EZR: variants seen among roughly 807,000 people sequenced by gnomAD.
The protein encoded by EZR is cytovillin 2.
In EZR, 40 loss-of-function variants were observed where a neutral mutation model predicts 74.8. That is an observed-to-expected ratio of 0.53 (90% CI 0.42 to 0.70). The LOEUF (loss-of-function observed/expected upper bound fraction) is 0.70. Ranked by LOEUF, EZR falls within the 30% of genes least tolerant of loss-of-function variation. EZR has a pLI of 0.00. For synonymous variants in EZR, 341 were observed against 283.3 expected (o/e 1.20, Z -2.05); for missense variants, 678 against 755.8 (o/e 0.90, Z 1.21).
At chr6:158,813,051 G>A (rs1281292989) in intron 2 of EZR, among the ~76,000 whole-genome samples, 2 of 152,106 alleles carry the variant, frequency 1.3e-5, no homozygotes, top group African/African-American at 2.4e-5. Flanking sequence ...AGGCAAATCT[G>A]ATCATGTCAC....
At chr6:158,786,942 C>T (rs908546210) in intron 4 of EZR, among the ~76,000 whole-genome samples, 166 bp downstream of exon 4, 3 of 152,280 alleles carry the variant, frequency 2.0e-5, no homozygotes, top group South Asian at 2.1e-4. Flanking sequence ...GATTTCCAAT[C>T]GATATCTCCA....
chr6:158,813,574 A>C (rs1777491664), intron 2 of EZR, among the ~76,000 whole-genome samples: 2 of 152,232 alleles, frequency 1.3e-5, no homozygotes, highest in Admixed American at 1.3e-4. Flanking sequence ...AACAGATGCT[A>C]CGCATCCTCC....
rs1214169210 is a variant in EZR, at chr6:158,766,427, C to T, written c.*487G>A. 6.5e-6 allele frequency: 1 copy of T among 154,018 alleles called. No individual in the cohort carries two copies. Among genetic ancestry groups the T allele is most frequent in the African/African-American group, 2.4e-5 (1 of 41,458 alleles). The allele number at this position is 154,018 out of a possible 1,614,324, so 9.5% of individuals were successfully genotyped here. A position where few individuals can be genotyped will look rare whatever the true frequency, so the allele number is the denominator to read the frequency against. ...AATCACTGTGTGTGCGAGAGTGCTT[C>T]AGACTCAATTTCCAAAATAATTTTC... On this transcript the variant is annotated 3_prime_UTR_variant, in exon 14 of 14. Transcript: ENST00000367075.
chr6:158,800,002 G>C (rs17586838), intron 2 of EZR, among the ~76,000 whole-genome samples: 1 of 152,010 alleles, frequency 6.6e-6, no homozygotes, highest in Non-Finnish European at 1.5e-5. Flanking sequence ...ACCCAATGAC[G>C]ACTTTTTACA....
At position 158,783,551 on chromosome 6, in the gene EZR, G is replaced by A; in HGVS notation, c.667C>T (p.Leu223Phe). ...TCTTTCTCATAAATATTCAGTCCAAGGGCATCAACTCCAAGCCAAAGGTCT... is the reference window on the plus strand; with the variant it reads ...TCTTTCTCATAAATATTCAGTCCAAAGGCATCAACTCCAAGCCAAAGGTCT... Reference protein sequence around the residue: ...GTDLWLGVDALGLNIYEKDDK... With the variant: ...GTDLWLGVDAFGLNIYEKDDK... The change falls in exon 7 of 14, where the codon CTT becomes TTT. Residue 223 changes from leucine to phenylalanine, a missense_variant. This residue lies in a region of EZR where 119 missense variants were observed against 182.3 expected (regional missense o/e 0.65). Coordinates refer to ENST00000367075, the MANE Select transcript of EZR (RefSeq NM_001111077.2). The A allele has an allele frequency of 6.2e-7, 1 of 1,613,060 alleles. No homozygotes were observed. The highest frequency in any genetic ancestry group is 1.3e-5 in the African/African-American group (1 of 74,670).
In EZR at chr6:158,765,962, T is replaced by C. The variant is rs780139947; in HGVS notation, c.*952A>G. ...ACAGAGTCTCTTCACAGCTGGAGTC[T>C]GAAAGCTCATAGTGGCATGTGTGAA... On this transcript the variant is annotated 3_prime_UTR_variant, in exon 14 of 14. Transcript: ENST00000367075. The C allele has an allele frequency of 6.6e-6, 1 of 152,542 alleles. No homozygotes were observed. Among genetic ancestry groups the C allele is most frequent in the Non-Finnish European group, 1.5e-5 (1 of 68,044 alleles). The allele number at this position is 152,542 out of a possible 1,614,324, so 9.4% of individuals were successfully genotyped here. A position where few individuals can be genotyped will look rare whatever the true frequency, so the allele number is the denominator to read the frequency against.
At chr6:158,812,840 A>G (rs1017195789) in intron 2 of EZR, among the ~76,000 whole-genome samples, 2 of 151,858 alleles carry the variant, frequency 1.3e-5, no homozygotes, top group Non-Finnish European at 2.9e-5. Context: ...CCTCGACACC[A>G]CCCTTGGCCC....
chr6:158,809,948 A>G (rs1242962063), intron 2 of EZR, among the ~76,000 whole-genome samples: 1 of 152,240 alleles, frequency 6.6e-6, no homozygotes, highest in Admixed American at 6.5e-5. Flanking sequence ...ACCCCATCCT[A>G]AAGTAAAAAC....
At chr6:158,795,251 C>CA (rs1226587669) in intron 2 of EZR, among the ~76,000 whole-genome samples, 1 of 151,344 alleles carries the variant, frequency 6.6e-6, no homozygotes, top group African/African-American at 2.4e-5. Flanking sequence ...GACTCCATCG[C>CA]AAAAAATAAA....
chr6:158,768,367 G>A (rs1034902313), intron 12 of EZR, among the ~76,000 whole-genome samples: 1 of 144,046 alleles, frequency 6.9e-6, no homozygotes, highest in African/African-American at 2.5e-5. Context: ...TAACTACCCA[G>A]TCTCAGCTTG....
chr6:158,769,233 C>G, intron 12 of EZR, 93 bp downstream of exon 12: 1 of 1,068,958 alleles, frequency 9.4e-7, no homozygotes, highest in Non-Finnish European at 1.4e-6. Context: ...CCAGACCTCT[C>G]CCCCAACCCA....
chr6:158,773,577 G>A (rs952635295), intron 8 of EZR, among the ~76,000 whole-genome samples: 3 of 152,136 alleles, frequency 2.0e-5, no homozygotes, highest in African/African-American at 7.2e-5. Flanking sequence ...ATAAACCCAA[G>A]ACCCTACAAA....
intron 9 of EZR, 112 bp from the exon 10 acceptor site, chr6:158,771,006 C>A: frequency 6.6e-7 from 1 of 1,510,998 alleles, no homozygotes; most frequent in South Asian, 1.2e-5. Flanking sequence ...ATCCTGAGGG[C>A]CACCCTAGCC....
intron 2 of EZR, among the ~76,000 whole-genome samples, chr6:158,802,190 C>A (rs1777200362): frequency 6.6e-6 from 1 of 152,180 alleles, no homozygotes; most frequent in Admixed American, 6.5e-5. Context: ...CTAATGAAAG[C>A]AAGGTCATAA....
chr6:158,814,811 G>A (rs1777520857), intron 2 of EZR, among the ~76,000 whole-genome samples: 2 of 152,116 alleles, frequency 1.3e-5, no homozygotes, highest in South Asian at 4.2e-4. Context: ...AAAGTGCTGG[G>A]ATTACTGCCA....
chr6:158,789,519 C>T, intron 2 of EZR, 148 bp from the exon 3 acceptor site: 1 of 785,796 alleles, frequency 1.3e-6, no homozygotes, highest in Non-Finnish European at 2.3e-6. Context: ...CCACACACCA[C>T]TCCTGACTGC....
At chr6:158,770,986 T>C in intron 9 of EZR, 92 bp from the exon 10 acceptor site, 1 of 1,583,718 alleles carries the variant, frequency 6.3e-7, no homozygotes, top group Non-Finnish European at 8.6e-7. Flanking sequence ...AGCTCCAGGA[T>C]GGACTTGGTA....
intron 12 of EZR, 109 bp downstream of exon 12, chr6:158,769,217 C>T: frequency 2.4e-6 from 2 of 821,182 alleles, no homozygotes; most frequent in Non-Finnish European, 3.9e-6. Flanking sequence ...GATGTGGCAG[C>T]TTGAGCCAGA....
At chr6:158,772,634 C>A (rs905097859) in intron 8 of EZR, among the ~76,000 whole-genome samples, 4 of 152,200 alleles carry the variant, frequency 2.6e-5, no homozygotes, top group African/African-American at 9.6e-5. Flanking sequence ...ATCTTGGTCC[C>A]AACTCCTTGC....
Sources: allele counts gnomAD v4.1 joint callset (sites outside exome capture counted in the v4.1 genomes callset), GRCh38; gene constraint gnomAD v4.1.1; regional missense constraint gnomAD v4.1.1; transcripts MANE v1.5; gene names NCBI Gene and HGNC (gene_info 2026-07-23, HGNC 2026-07-21).